The following RP2 variants were observed in gnomAD, a reference collection of about 807,000 sequenced individuals.
The protein encoded by RP2 is RP2 activator of ARL3 GTPase, also known as protein XRP2.
In RP2, 3 loss-of-function variants were observed where a neutral mutation model predicts 20.3. The observed-to-expected ratio is 0.15, with a 90% confidence interval of 0.07 to 0.38. The LOEUF (loss-of-function observed/expected upper bound fraction) is 0.38, where lower values mean the gene tolerates loss of function less well. Among genes scored for constraint, RP2 ranks in the 10% least tolerant of loss-of-function variants. The pLI, the probability that RP2 is intolerant of heterozygous loss-of-function variation, is 1.00. For synonymous variants in RP2, 75 were observed against 94.8 expected (o/e 0.79, Z 1.22); for missense variants, 233 against 268.5 (o/e 0.87, Z 0.92).
intron 3 of RP2, among the ~76,000 whole-genome samples, chrX:46,862,256 C>G (rs1226792923): frequency 9.1e-6 from 1 of 110,428 alleles, no homozygotes; most frequent in Non-Finnish European, 1.9e-5. Flanking sequence ...CCTGTAATCA[C>G]AGCTACTAGG....
At chrX:46,875,792 A>G (rs1211958254) in intron 3 of RP2, among the ~76,000 whole-genome samples, 2 of 111,409 alleles carry the variant, frequency 1.8e-5, no homozygotes, top group Admixed American at 9.6e-5. Context: ...TGCCCCAGAC[A>G]TGGAATCATC....
At chrX:46,871,303 C>T (rs1418452962) in intron 3 of RP2, among the ~76,000 whole-genome samples, 1 of 110,994 alleles carries the variant, frequency 9.0e-6, no homozygotes, top group Admixed American at 9.6e-5. Flanking sequence ...ATTACAGGTG[C>T]GAGCCACCAC....
intron 1 of RP2, among the ~76,000 whole-genome samples, chrX:46,842,550 C>T (rs2147076604): frequency 8.9e-6 from 1 of 111,786 alleles, no homozygotes; most frequent in South Asian, 3.7e-4. Context: ...AGTAAGTTCA[C>T]AGGCTTATCA....
At chrX:46,844,672 A>C (rs1556315730) in intron 1 of RP2, among the ~76,000 whole-genome samples, 5 of 111,589 alleles carry the variant, frequency 4.5e-5, no homozygotes, top group Non-Finnish European at 9.4e-5. Context: ...AGCATGATTT[A>C]TAATCCTTTG....
At chrX:46,858,606 GAC>G (rs1415801911) in intron 2 of RP2, among the ~76,000 whole-genome samples, 1 of 109,468 alleles carries the variant, frequency 9.1e-6, no homozygotes, top group African/African-American at 3.3e-5. Flanking sequence ...GAGTAGCTAG[GAC>G]TACAGGCACA....
chrX:46,862,014 G>A (rs782125566), intron 3 of RP2, among the ~76,000 whole-genome samples: 4 of 112,179 alleles, frequency 3.6e-5, no homozygotes, highest in Non-Finnish European at 7.5e-5. Context: ...CAACCCCAAT[G>A]TAATAATTAT....
At chrX:46,863,757 G>A (rs1925117830) in intron 3 of RP2, among the ~76,000 whole-genome samples, 1 of 111,759 alleles carries the variant, frequency 8.9e-6, no homozygotes, top group Non-Finnish European at 1.9e-5. Flanking sequence ...GTGTGGGAGG[G>A]AGGCAAAATT....
At chrX:46,842,216 TCTAA>T (rs1364211700) in intron 1 of RP2, among the ~76,000 whole-genome samples, 13 of 112,180 alleles carry the variant, frequency 1.2e-4, no homozygotes, top group African/African-American at 3.9e-4. Context: ...TGCCTAGCCG[TCTAA>T]CTGTGTTTTT....
At chrX:46,858,108 G>A (rs1245544313) in intron 2 of RP2, among the ~76,000 whole-genome samples, 3 of 112,292 alleles carry the variant, frequency 2.7e-5, no homozygotes, top group Non-Finnish European at 5.6e-5. Context: ...AATTAAGTAA[G>A]TGAAAATTTG....
At chrX:46,846,573 C>A (rs988727471) in intron 1 of RP2, among the ~76,000 whole-genome samples, 1 of 110,236 alleles carries the variant, frequency 9.1e-6, no homozygotes, top group African/African-American at 3.3e-5. Flanking sequence ...GGCAACAGAG[C>A]AAGACCCTGT....
In RP2 at chrX:46,854,050, G is replaced by A. The variant is rs1556318729; in HGVS notation, c.677G>A (p.Gly226Asp). 2.5e-6 allele frequency: 3 copies of A among 1,211,635 alleles called. No individual in the cohort carries two copies. In the South Asian group the frequency reaches 5.3e-5, roughly 21 times the overall value. Residue 226 changes from glycine (G) to aspartate (D), a missense_variant, in exon 2 of 5, where the codon GGT (glycine) becomes GAT (aspartate). By Grantham distance (94) the Gly-to-Asp change is moderately conservative (BLOSUM62 -1). Coordinates refer to ENST00000218340, the MANE Select transcript of RP2 (RefSeq NM_006915.3). ...ANRSIVPISR[G>D]QRQKSSDESC... ...AGAAGCATTGTTCCAATATCCCGGG[G>A]TCAGAGACAGAAGAGCAGCGATGAA...
In RP2 at chrX:46,879,852, G is replaced by T; in HGVS notation, c.*83G>T. On this transcript the variant is annotated 3_prime_UTR_variant, in exon 5 of 5. Coordinates refer to ENST00000218340, the MANE Select transcript of RP2 (RefSeq NM_006915.3). The stretch of plus-strand genomic sequence containing the variant: ...TTTGATAATACACTTTTGTGTATTA[G>T]CAATGGTTTTTACTAATGCTAAAAC... The T allele has an allele frequency of 3.5e-6, 2 of 565,366 alleles. No individual in the cohort carries two copies. Among genetic ancestry groups the T allele is most frequent in the Non-Finnish European group, 2.9e-6 (1 of 349,042 alleles). 46.6% of individuals were successfully genotyped at this position (565,366 alleles called of 1,213,427 possible).
intron 3 of RP2, among the ~76,000 whole-genome samples, chrX:46,868,684 G>T (rs1156476860): frequency 2.8e-5 from 3 of 108,639 alleles, no homozygotes; most frequent in African/African-American, 1.0e-4. Flanking sequence ...TATTTGGGAG[G>T]CTGAGGCAGG....
intron 3 of RP2, among the ~76,000 whole-genome samples, chrX:46,865,843 A>G (rs1473499635): frequency 9.1e-6 from 1 of 109,562 alleles, no homozygotes; most frequent in Non-Finnish European, 1.9e-5. Flanking sequence ...CAGGAGAATC[A>G]CTTGAACCTG....
At chrX:46,853,342 C>T (rs1309458747) in intron 1 of RP2, 134 bp from the exon 2 acceptor site, 5 of 517,807 alleles carry the variant, frequency 9.7e-6, no homozygotes, top group Non-Finnish European at 1.6e-5. Context: ...CATTTTGTTA[C>T]TGTGTTTCAA....
rs368610992 is a variant in RP2 at position 46,862,457 on chromosome X, A to G, written c.883+2355A>G. On this transcript the variant is annotated intron_variant, in intron 3 of 4. Transcript: ENST00000218340. ...GGGCAGATCACAAGGTCAGGAGATC[A>G]AGACCATCCTGGCTAACACGGTGAA... Among the ~76,000 whole-genome samples, 269 of 110,572 alleles carry G rather than the reference A, an allele frequency of 2.4e-3. 1 individual carries two copies. Among genetic ancestry groups the G allele is most frequent in the East Asian group, 0.01 (35 of 3,497 alleles).
chrX:46,854,721 G>C (rs782047174), intron 2 of RP2, among the ~76,000 whole-genome samples: 1 of 110,444 alleles, frequency 9.1e-6, no homozygotes, highest in South Asian at 3.9e-4. Context: ...TAATTATTTA[G>C]TGGGGAAATT....
chrX:46,870,708 A>G (rs1266944892), intron 3 of RP2, among the ~76,000 whole-genome samples: 4 of 112,208 alleles, frequency 3.6e-5, no homozygotes, highest in Non-Finnish European at 7.5e-5. Flanking sequence ...GAGCATGCAC[A>G]TCAGGCAATT....
chrX:46,844,600 C>T (rs1414316846), intron 1 of RP2, among the ~76,000 whole-genome samples: 1 of 111,080 alleles, frequency 9.0e-6, no homozygotes, highest in Non-Finnish European at 1.9e-5. Flanking sequence ...TGGGTTGGTT[C>T]CAAGTCTTTC....
Sources: allele counts gnomAD v4.1 joint callset (sites outside exome capture counted in the v4.1 genomes callset), GRCh38; gene constraint gnomAD v4.1.1; transcripts MANE v1.5; gene names NCBI Gene and HGNC (gene_info 2026-07-23, HGNC 2026-07-21).